TCHHL1: variants seen among roughly 807,000 people sequenced by gnomAD.
The protein encoded by TCHHL1 is trichohyalin-like protein 1.
TCHHL1 carries 1 observed loss-of-function variant against 3.5 expected under a neutral mutation model. The observed-to-expected ratio is 0.29, with a 90% CI of 0.10 to 1.36. The LOEUF (loss-of-function observed/expected upper bound fraction) is 1.36. Ranked by LOEUF, TCHHL1 falls within the 40% of genes most tolerant of loss-of-function variation. The pLI, the probability that TCHHL1 is intolerant of heterozygous loss-of-function variation, is 0.43. For missense variants in TCHHL1, 1,027 were observed against 1,032.8 expected, an observed-to-expected ratio of 0.99 and a Z score of 0.08; for synonymous variants, 405 against 375.3, an observed-to-expected ratio of 1.08 and a Z score of -0.92.
In TCHHL1 at chr1:152,085,119, C is replaced by T; in HGVS notation, c.2563G>A (p.Ala855Thr). ...AGTCCCCTGGTATATGGTTGTGATG[C>T]TTGGCTGTAGTTGAAAAAGACAGAA... The part of the protein sequence containing the change: ...DCSVFFNYSQ[A>T]SQPYTRGLPL... Residue 855 changes from alanine (A) to threonine (T), a missense_variant, in exon 3 of 3, where the codon GCA becomes ACA. Transcript: ENST00000368806. The T allele has an allele frequency of 6.2e-7, 1 of 1,614,108 alleles. No individual in the cohort carries two copies. The highest frequency in any genetic ancestry group is 8.5e-7 in the Non-Finnish European group (1 of 1,180,028).
chr1:152,086,836 CT>C lies in TCHHL1; in HGVS notation c.845del (p.Lys282ArgfsTer106). 3.7e-6 allele frequency: 6 copies of C among 1,614,102 alleles called. No individual in the cohort carries two copies. The highest frequency in any genetic ancestry group is 5.1e-6 in the Non-Finnish European group (6 of 1,180,020). On this transcript the variant is annotated frameshift_variant, in exon 3 of 3. Transcript: ENST00000368806. LOFTEE classifies it low-confidence loss of function (END_TRUNC). The stretch of plus-strand genomic sequence containing the variant: ...GTTCTTGTATATTAGAGTGTTTTTC[CT>C]TTTCTGTTCTAACTTCCTGATCTTC... ...PCEDQEVRTE[K>X]EKHSNIQEPP...
intron 1 of TCHHL1, 142 bp downstream of exon 1, chr1:152,088,878 G>A (rs1002625840): frequency 1.3e-4 from 20 of 152,098 alleles, no homozygotes; most frequent in African/African-American, 4.8e-4. Flanking sequence ...AATGCATTTG[G>A]GTGGTTGGCG....
Position 152,086,869 on chromosome 1 carries a change from T to C in TCHHL1, c.813A>G (p.Arg271=). 2.5e-6 allele frequency: 4 copies of C among 1,614,152 alleles called. No individual in the cohort carries two copies. The highest frequency in any genetic ancestry group is 3.4e-6 in the Non-Finnish European group (4 of 1,180,034). ...TTCTAACTTCCTGATCTTCACATGG[T>C]CTTTGTGTTGCTTCTTTTGGTGGTG... ...QSSPPKEATQ[R]PCEDQEVRTE... is the part of the protein sequence containing the mutation. The change falls in exon 3 of 3, where the codon AGA becomes AGG. Residue 271 remains arginine, a synonymous_variant. Transcript: ENST00000368806.
rs778208087 is a variant in TCHHL1 at position 152,085,149 on chromosome 1, C to G, written c.2533G>C (p.Asp845His). Residue 845 changes from aspartate (D) to histidine (H), a missense_variant, in exon 3 of 3, where the codon GAT becomes CAT. Asp to His is a moderately conservative substitution (Grantham distance 81). Coordinates refer to ENST00000368806, the MANE Select transcript of TCHHL1 (RefSeq NM_001008536.2). ...CTGTAGTTGAAAAAGACAGAACAAT[C>G]TGAGATCTCACTGGTGAGGGATACA... ...CSVSLTSEIS[D>H]CSVFFNYSQA... 10 of 1,614,180 alleles carry G rather than the reference C, an allele frequency of 6.2e-6. No individual in the cohort carries two copies. The highest frequency in any genetic ancestry group is 1.6e-4 in the Middle Eastern group (1 of 6,062).
rs1429089873 is a variant in TCHHL1, at chr1:152,085,555, CTCT to C, written c.2124_2126del (p.Glu709del). 6.2e-7 allele frequency: 1 copy of C among 1,614,226 alleles called. No homozygotes were observed. The highest frequency in any genetic ancestry group is 1.7e-5 in the Admixed American group (1 of 60,022). On this transcript the variant is annotated inframe_deletion, in exon 3 of 3. Coordinates refer to ENST00000368806, the MANE Select transcript of TCHHL1 (RefSeq NM_001008536.2). ...TCTGGGCCTCTGTTGCTCTTCCTTTCTCTTCTTTGCTACTTGGGCCTTGGACCT... is the reference window on the plus strand; with the variant it reads ...TCTGGGCCTCTGTTGCTCTTCCTTTCTCTTTGCTACTTGGGCCTTGGACCT...
rs1448436230 is a variant in TCHHL1, at chr1:152,085,758, C to T, written c.1924G>A (p.Gly642Ser). Residue 642 changes from glycine (G) to serine (S), a missense_variant, in exon 3 of 3, where the codon GGC becomes AGC. Coordinates refer to ENST00000368806, the MANE Select transcript of TCHHL1 (RefSeq NM_001008536.2). ...EHKNQGPGTK[G>S]PGAAVEPNGH... ...TTGGGCTCCACAGCTGCACCTGGGC[C>T]TTTGGTCCCTGGGCCTTGATTCTTG... 3 of 1,614,036 alleles carry T rather than the reference C, an allele frequency of 1.9e-6. No individual in the cohort carries two copies. The highest frequency in any genetic ancestry group is 2.5e-6 in the Non-Finnish European group (3 of 1,180,036).
rs1441263301 is a variant in TCHHL1, at chr1:152,086,890, T to TG, written c.791dup (p.Pro265ThrfsTer10). 6.2e-7 allele frequency: 1 copy of TG among 1,614,180 alleles called. No homozygotes were observed. Among genetic ancestry groups the TG allele is most frequent in the Non-Finnish European group, 8.5e-7 (1 of 1,180,040 alleles). ...ATGGTCTTTGTGTTGCTTCTTTTGG[T>TG]GGTGAACTTTGGGTTGCCAAGTTTC... On this transcript the variant is annotated frameshift_variant, in exon 3 of 3. Coordinates refer to ENST00000368806, the MANE Select transcript of TCHHL1 (RefSeq NM_001008536.2). LOFTEE classifies it low-confidence loss of function (END_TRUNC).
At chr1:152,088,617 G>A (rs1379075668) in intron 1 of TCHHL1, among the ~76,000 whole-genome samples, 1 of 152,114 alleles carries the variant, frequency 6.6e-6, no homozygotes, top group Admixed American at 6.5e-5. Flanking sequence ...AGCTTCTAGT[G>A]GAAAGATAAG....
chr1:152,086,324 TCTC>T lies in TCHHL1; in HGVS notation c.1355_1357del (p.Gly452del), dbSNP rs774040271. 4 of 1,614,206 alleles carry T rather than the reference TCTC, an allele frequency of 2.5e-6. No homozygotes were observed. In the Admixed American group the frequency reaches 6.7e-5, roughly 27 times the overall value. On this transcript the variant is annotated inframe_deletion, in exon 3 of 3. Transcript: ENST00000368806. ...TCCTTCAAGTTCAGGGTGAGTCTGA[TCTC>T]CTCCTTCTGAGCTTAGATATTGTGT...
chr1:152,087,864 A>G (rs999560103), intron 2 of TCHHL1, 142 bp downstream of exon 2: 16 of 1,124,254 alleles, frequency 1.4e-5, no homozygotes, highest in Admixed American at 7.8e-5. Context: ...ACTGAGACTG[A>G]AAATAGTTGT....
Position 152,084,780 on chromosome 1 carries a change from A to G in TCHHL1, c.*187T>C. 3.2e-6 allele frequency: 2 copies of G among 627,250 alleles called. No individual in the cohort carries two copies. Among genetic ancestry groups the G allele is most frequent in the Non-Finnish European group, 5.2e-6 (2 of 381,868 alleles). 38.9% of individuals were successfully genotyped at this position (627,250 alleles called of 1,614,324 possible). A position where few individuals can be genotyped will look rare whatever the true frequency, so the allele number is the denominator to read the frequency against. ...AGTAGCATTGTTTGGTAGGAGTTTT[A>G]CTGACTGTATTTGTTTGCTCAGATG... On this transcript the variant is annotated 3_prime_UTR_variant, in exon 3 of 3. Coordinates refer to ENST00000368806, the MANE Select transcript of TCHHL1 (RefSeq NM_001008536.2).
At position 152,085,289 on chromosome 1, in the gene TCHHL1, G is replaced by A. The variant is rs1260388944; in HGVS notation, c.2393C>T (p.Ser798Phe). Residue 798 changes from serine (S) to phenylalanine (F), a missense_variant, in exon 3 of 3, where the codon TCC becomes TTC. Physicochemically the swap from Ser to Phe is radical, Grantham distance 155. Transcript: ENST00000368806. ...PCSVERGAVY[S>F]SPLYQYLQEK... Reference sequence around the variant, plus strand: ...CTGTAGGTACTGGTATAGTGGACTGGAATAGACTGCACCCCTCTCCACAGA... The same window carrying A: ...CTGTAGGTACTGGTATAGTGGACTGAAATAGACTGCACCCCTCTCCACAGA... 1 of 1,614,154 alleles carries A rather than the reference G, an allele frequency of 6.2e-7. No individual in the cohort carries two copies. The highest frequency in any genetic ancestry group is 1.7e-5 in the Admixed American group (1 of 60,020).
Position 152,084,862 on chromosome 1 carries a change from T to G in TCHHL1, c.*105A>C, listed in dbSNP as rs1572145751. The G allele has an allele frequency of 7.8e-7, 1 of 1,281,706 alleles. No homozygotes were observed. Among genetic ancestry groups the G allele is most frequent in the Non-Finnish European group, 1.1e-6 (1 of 925,762 alleles). 79.4% of individuals were successfully genotyped at this position (1,281,706 alleles called of 1,614,324 possible). On this transcript the variant is annotated 3_prime_UTR_variant, in exon 3 of 3. Coordinates refer to ENST00000368806, the MANE Select transcript of TCHHL1 (RefSeq NM_001008536.2). ...TTTTATTATTTGTTTTTGTAGAAAT[T>G]TAGGAAGAGAATTTAAAAGATTGTT...
chr1:152,085,336 C>G lies in TCHHL1; in HGVS notation c.2346G>C (p.Met782Ile), dbSNP rs1261346114. ...SVPWSSLEKQ[M>I]QRDQEPCSVE... ...CAGAACAGGGCTCTTGGTCTCTCTG[C>G]ATCTGCTTTTCAAGACTTGACCAGG... The change falls in exon 3 of 3, where the codon ATG (methionine) becomes ATC (isoleucine). Residue 782 changes from methionine to isoleucine, a missense_variant. Transcript: ENST00000368806. 1.9e-6 allele frequency: 3 copies of G among 1,614,060 alleles called. No homozygotes were observed. In the African/African-American group the frequency reaches 4.0e-5, roughly 22 times the overall value.
chr1:152,088,254 C>G lies in TCHHL1; in HGVS notation c.-20-91G>C, dbSNP rs1484701671. 6.4e-6 allele frequency: 7 copies of G among 1,099,750 alleles called. No homozygotes were observed. In the East Asian group the frequency reaches 1.8e-4, roughly 28 times the overall value. The allele number at this position is 1,099,750 out of a possible 1,614,324, so 68.1% of individuals were successfully genotyped here. A position where few individuals can be genotyped will look rare whatever the true frequency, so the allele number is the denominator to read the frequency against. Reference sequence around the variant, plus strand: ...TATCCTTTTTGTTCCTCCCCCATCTCCACTGCAACCCCTGCTCTATTCTGT... The same window carrying G: ...TATCCTTTTTGTTCCTCCCCCATCTGCACTGCAACCCCTGCTCTATTCTGT... On this transcript the variant is annotated intron_variant, in intron 1 of 2. Transcript: ENST00000368806.
In TCHHL1 at chr1:152,087,228, C is replaced by G. The variant is rs755424796; in HGVS notation, c.454G>C (p.Val152Leu). 11 of 1,614,116 alleles carry G rather than the reference C, an allele frequency of 6.8e-6. No homozygotes were observed. Among genetic ancestry groups the G allele is most frequent in the Non-Finnish European group, 9.3e-6 (11 of 1,179,976 alleles). ...CATGGGTCCACTCTGTTATTTCCAA[C>G]TGCTCCACTTTCTTCAGGGATGAGC... Reference protein sequence around the residue: ...SQLIPEESGAVGNNRVDPWRE... With the variant: ...SQLIPEESGALGNNRVDPWRE... The change falls in exon 3 of 3, where the codon GTT becomes CTT. Residue 152 changes from valine to leucine, a missense_variant. This residue lies in a region of TCHHL1 where 338 missense variants were observed against 335.9 expected (regional missense o/e 1.01). Coordinates refer to ENST00000368806, the MANE Select transcript of TCHHL1 (RefSeq NM_001008536.2).
rs751967583 is a variant in TCHHL1 at position 152,086,153 on chromosome 1, A to G, written c.1529T>C (p.Val510Ala). The G allele has an allele frequency of 1.2e-6, 2 of 1,614,038 alleles. No homozygotes were observed. The highest frequency in any genetic ancestry group is 1.7e-6 in the Non-Finnish European group (2 of 1,179,998). Reference sequence around the variant, plus strand: ...CTTGGTGACCCTAGTATTTTCTCCTACAGACTGCTTCTCAAGTGGTGCTAA... The same window carrying G: ...CTTGGTGACCCTAGTATTTTCTCCTGCAGACTGCTTCTCAAGTGGTGCTAA... ...QDLAPLEKQS[V>A]GENTRVTKTH... The change falls in exon 3 of 3, where the codon GTA (valine) becomes GCA (alanine). Residue 510 changes from valine (V) to alanine (A), a missense_variant. Physicochemically the swap from Val to Ala is moderately conservative, Grantham distance 64 (BLOSUM62 0). Coordinates refer to ENST00000368806, the MANE Select transcript of TCHHL1 (RefSeq NM_001008536.2).
chr1:152,087,189 T>C lies in TCHHL1; in HGVS notation c.493A>G (p.Thr165Ala). The change falls in exon 3 of 3, where the codon ACT becomes GCT. Residue 165 changes from threonine to alanine, a missense_variant. By Grantham distance (58) the Thr-to-Ala change is moderately conservative. Around this residue, in one of 3 missense-constraint regions of TCHHL1, gnomAD observed 338 missense variants for 335.9 expected, o/e 1.01. Coordinates refer to ENST00000368806, the MANE Select transcript of TCHHL1 (RefSeq NM_001008536.2). Reference protein sequence around the residue: ...NRVDPWREAKTHNFPGEASEH... With the variant: ...NRVDPWREAKAHNFPGEASEH... ...GATGCTTCTCCTGGAAAGTTGTGAGTCTTGGCTTCTCTCCATGGGTCCACT... is the reference window on the plus strand; with the variant it reads ...GATGCTTCTCCTGGAAAGTTGTGAGCCTTGGCTTCTCTCCATGGGTCCACT... 1 of 1,614,164 alleles carries C rather than the reference T, an allele frequency of 6.2e-7. No individual in the cohort carries two copies. Among genetic ancestry groups the C allele is most frequent in the Non-Finnish European group, 8.5e-7 (1 of 1,179,994 alleles).
chr1:152,085,406 C>T lies in TCHHL1; in HGVS notation c.2276G>A (p.Gly759Asp), dbSNP rs375854243. ...ESPQELAGEG[G>D]DQKSPAKKEH... ...TTTCTTGGCTGGACTTTTTTGGTCA[C>T]CACCTTCTCCTGCCAGCTCTTGGGG... is the stretch of plus-strand genomic sequence containing the variant. The change falls in exon 3 of 3, where the codon GGT (glycine) becomes GAT (aspartate). Residue 759 changes from glycine to aspartate, a missense_variant. This residue lies in a region of TCHHL1 where 673 missense variants were observed against 658.6 expected (regional missense o/e 1.02). Transcript: ENST00000368806. The T allele has an allele frequency of 6.8e-6, 11 of 1,614,200 alleles. No individual in the cohort carries two copies. The highest frequency in any genetic ancestry group is 9.3e-6 in the Non-Finnish European group (11 of 1,180,044).
Sources: gnomAD v4.1 joint callset for allele counts (sites outside exome capture counted in the v4.1 genomes callset) on GRCh38, gnomAD v4.1.1 for gene constraint, gnomAD v4.1.1 regional missense constraint, MANE v1.5 for transcripts, NCBI Gene and HGNC (gene_info 2026-07-23, HGNC 2026-07-21) for gene names.